Variants in ADGRL3 observed in about 807,000 individuals in gnomAD.
ADGRL3 encodes adhesion G protein-coupled receptor L3.
A neutral mutation model predicts 153.5 loss-of-function variants in ADGRL3; 62 were observed. The ratio of observed to expected loss-of-function variants is 0.40; its 90% CI spans 0.33 to 0.50. The LOEUF (loss-of-function observed/expected upper bound fraction) is 0.50, where lower values mean the gene tolerates loss of function less well. Among genes scored for constraint, ADGRL3 ranks in the 20% least tolerant of loss-of-function variants. ADGRL3 has a pLI of 0.47. For synonymous variants in ADGRL3, 710 were observed against 672.5 expected (o/e 1.06, Z -0.86); for missense variants, 1,641 against 1,859.4 (o/e 0.88, Z 2.16).
chr4:61,606,610 G>A (rs1030333577), intron 5 of ADGRL3, among the ~76,000 whole-genome samples: 4 of 151,962 alleles, frequency 2.6e-5, no homozygotes, highest in South Asian at 2.1e-4. Flanking sequence ...ATTTAACCTC[G>A]TTTAGTCTTT....
chr4:61,767,040 G>T (rs1481436853), intron 8 of ADGRL3, among the ~76,000 whole-genome samples: 1 of 151,924 alleles, frequency 6.6e-6, no homozygotes, highest in Non-Finnish European at 1.5e-5. Context: ...TGTGGGATGG[G>T]ATATTGGCGT....
At chr4:61,934,644 G>A (rs1200495568) in intron 13 of ADGRL3, among the ~76,000 whole-genome samples, 196 bp from the exon 14 acceptor site, 1 of 152,106 alleles carries the variant, frequency 6.6e-6, no homozygotes, top group Non-Finnish European at 1.5e-5. Context: ...CTCTTGCGTT[G>A]CAAAGTCTCA....
intron 1 of ADGRL3, among the ~76,000 whole-genome samples, chr4:61,283,401 A>G (rs2093801990): frequency 6.6e-6 from 1 of 152,056 alleles, no homozygotes; most frequent in Non-Finnish European, 1.5e-5. Flanking sequence ...AACTGTGTTC[A>G]AGAATAGGAC....
chr4:61,890,734 G>A lies in ADGRL3; in HGVS notation c.1481-1922G>A, dbSNP rs868351595. Among the ~76,000 whole-genome samples, 6 of 152,120 alleles carry A rather than the reference G, an allele frequency of 3.9e-5. 1 individual carries two copies. Among genetic ancestry groups the A allele is most frequent in the Admixed American group, 6.5e-5 (1 of 15,274 alleles). On this transcript the variant is annotated intron_variant, in intron 9 of 26. Transcript: ENST00000683033. ...TTCTAACACATGAACTTTGGGGGAC[G>A]CATTTAAACTGTAGCATTCCCCACG...
In ADGRL3 at chr4:61,636,290, A is replaced by C. The variant is rs562676013; in HGVS notation, c.474-40536A>C. Among the ~76,000 whole-genome samples the C allele has an allele frequency of 2.6e-5, 4 of 152,314 alleles. No homozygotes were observed. In the East Asian group the frequency reaches 7.7e-4, roughly 29 times the overall value. On this transcript the variant is annotated intron_variant, in intron 5 of 26. Transcript: ENST00000683033. ...ATCCTTTGCCAAGAAAGAAGGAAAG[A>C]ATCAATAGAATCAGAGGTAGACATA...
chr4:61,996,246 A>T (rs56038622), intron 19 of ADGRL3, 45 bp from the exon 20 acceptor site: 306,912 of 1,282,886 alleles, frequency 0.24, 38,014 homozygotes, highest in East Asian at 0.38. Context: ...TGTATGTCCC[A>T]TACCCAGTCC....
chr4:61,760,362 C>A (rs1053511560), intron 8 of ADGRL3, among the ~76,000 whole-genome samples: 1 of 151,970 alleles, frequency 6.6e-6, no homozygotes, highest in African/African-American at 2.4e-5. Context: ...CAATGGCGGG[C>A]GCCCCTCCCC....
chr4:61,946,772 A>G (rs373438402), intron 15 of ADGRL3, 142 bp from the exon 16 acceptor site: 4 of 695,214 alleles, frequency 5.8e-6, no homozygotes, highest in East Asian at 2.5e-5. Context: ...TCCTCTCCTC[A>G]TAAATGACTT....
intron 1 of ADGRL3, among the ~76,000 whole-genome samples, chr4:61,259,863 CATATT>C (rs2092368824): frequency 6.6e-6 from 1 of 152,060 alleles, no homozygotes; most frequent in African/African-American, 2.4e-5. Context: ...AGGCCTGTGA[CATATT>C]AGATTTTCTC....
intron 1 of ADGRL3, among the ~76,000 whole-genome samples, chr4:61,332,256 C>G (rs2095587229): frequency 6.6e-6 from 1 of 152,052 alleles, no homozygotes; most frequent in Non-Finnish European, 1.5e-5. Context: ...ACCTGTGTTA[C>G]TATTAACAAT....
intron 1 of ADGRL3, among the ~76,000 whole-genome samples, chr4:61,206,390 A>G (rs1043557662): frequency 1.3e-5 from 2 of 152,230 alleles, no homozygotes; most frequent in Non-Finnish European, 2.9e-5. Flanking sequence ...TTTGTAAAGC[A>G]AACAATGCTG....
intron 6 of ADGRL3, among the ~76,000 whole-genome samples, chr4:61,719,531 G>C (rs1235904030): frequency 6.7e-6 from 1 of 150,374 alleles, no homozygotes. Context: ...CTAGCAAACA[G>C]TTTTATGTGT....
chr4:61,543,762 G>A (rs1039017091), intron 4 of ADGRL3, among the ~76,000 whole-genome samples: 15 of 152,116 alleles, frequency 9.9e-5, no homozygotes, highest in African/African-American at 2.7e-4. Flanking sequence ...CATAGGTGGT[G>A]GTGTGCTATT....
chr4:61,256,103 TA>T (rs1478265252), intron 1 of ADGRL3, among the ~76,000 whole-genome samples: 2 of 152,188 alleles, frequency 1.3e-5, no homozygotes, highest in East Asian at 3.8e-4. Context: ...TTTCAGTGAA[TA>T]AAAAAGTTTT....
chr4:61,467,467 C>T (rs1332709267), intron 2 of ADGRL3, among the ~76,000 whole-genome samples: 1 of 150,912 alleles, frequency 6.6e-6, no homozygotes, highest in Non-Finnish European at 1.5e-5. Flanking sequence ...GATTGCATTT[C>T]AGATGTGGGT....
chr4:62,007,383 T>TATATATATATATATATATATATATAC (rs71213024), intron 21 of ADGRL3, among the ~76,000 whole-genome samples: 1 of 30,768 alleles, frequency 3.3e-5, no homozygotes, highest in Non-Finnish European at 6.5e-5. Context: ...TATATATATA[T>TATATATATATATATATATATATATAC]ACACACACAC....
chr4:61,802,585 A>G (rs2097511150), intron 8 of ADGRL3, among the ~76,000 whole-genome samples: 1 of 152,088 alleles, frequency 6.6e-6, no homozygotes, highest in Non-Finnish European at 1.5e-5. Context: ...ATCAGGGAAC[A>G]ATCTGATTGT....
intron 1 of ADGRL3, among the ~76,000 whole-genome samples, chr4:61,339,906 A>T (rs2095768935): frequency 6.6e-6 from 1 of 151,996 alleles, no homozygotes; most frequent in African/African-American, 2.4e-5. Flanking sequence ...TCTAGAGGAG[A>T]TGCTCTGGCA....
At chr4:61,376,328 A>G (rs200123979) in intron 1 of ADGRL3, among the ~76,000 whole-genome samples, 1 of 25,274 alleles carries the variant, frequency 4.0e-5, no homozygotes, top group African/African-American at 9.6e-5. Flanking sequence ...ACCACTTGTC[A>G]TGTGTAATTA....
Sources: allele counts gnomAD v4.1 joint callset (sites outside exome capture counted in the v4.1 genomes callset), GRCh38; gene constraint gnomAD v4.1.1; transcripts MANE v1.5; gene names NCBI Gene and HGNC (gene_info 2026-07-23, HGNC 2026-07-21).